Variants in PTPRN2 observed in about 807,000 individuals in gnomAD.
The protein encoded by PTPRN2 is receptor-type tyrosine-protein phosphatase N2.
A neutral mutation model predicts 118.8 loss-of-function variants in PTPRN2; 74 were observed. The ratio of observed to expected loss-of-function variants is 0.62; its 90% CI spans 0.52 to 0.76. PTPRN2 has a LOEUF of 0.76. PTPRN2 is among the 30% of genes least tolerant of loss of function. The pLI, the probability that PTPRN2 is intolerant of heterozygous loss-of-function variation, is 0.00. For synonymous variants in PTPRN2, 641 were observed against 608.0 expected, an observed-to-expected ratio of 1.05 and a Z score of -0.80; for missense variants, 1,481 against 1,394.4, an observed-to-expected ratio of 1.06 and a Z score of -0.99.
intron 3 of PTPRN2, among the ~76,000 whole-genome samples, chr7:158,309,198 G>C (rs1203162302): frequency 1.9e-5 from 2 of 105,510 alleles, no homozygotes; most frequent in African/African-American, 7.0e-5. Flanking sequence ...GTGTGTCTGT[G>C]AGGGCATTTC....
chr7:157,729,462 T>G lies in PTPRN2; in HGVS notation c.1789-46525A>C, dbSNP rs1264957143. Among the ~76,000 whole-genome samples the G allele has an allele frequency of 6.6e-6, 1 of 152,142 alleles. No homozygotes were observed. The highest frequency in any genetic ancestry group is 1.5e-5 in the Non-Finnish European group (1 of 68,020). ...AGGGACTCCTGGGAAGACTTCTCTTTGAGGAAATGTTTCCGCTGCTAAAAT... is the reference window on the plus strand; with the variant it reads ...AGGGACTCCTGGGAAGACTTCTCTTGGAGGAAATGTTTCCGCTGCTAAAAT... On this transcript the variant is annotated intron_variant, in intron 12 of 22. Coordinates refer to ENST00000389418, the MANE Select transcript of PTPRN2 (RefSeq NM_002847.5). This position sits in a 1 kb window ranked among gnomAD's most constrained non-coding sequence, Gnocchi z 4.3.
chr7:157,951,144 C>A lies in PTPRN2; in HGVS notation c.1724-52407G>T, dbSNP rs913322250. On this transcript the variant is annotated intron_variant, in intron 11 of 22. Coordinates refer to ENST00000389418, the MANE Select transcript of PTPRN2 (RefSeq NM_002847.5). ...CCATGCCCCAGGTGCCGTCCCCTGA[C>A]CAACCAGCCTCACTCTCAGAGACAA... Among the ~76,000 whole-genome samples the A allele has an allele frequency of 5.3e-5, 8 of 152,268 alleles. No homozygotes were observed. The East Asian group carries it at 5.8e-4, about 11-fold the overall frequency.
chr7:158,447,585 G>T (rs1439953146), intron 2 of PTPRN2, among the ~76,000 whole-genome samples: 2 of 152,194 alleles, frequency 1.3e-5, no homozygotes. Flanking sequence ...TGCTCCCGCT[G>T]CCAGAGCCTC....
intron 11 of PTPRN2, among the ~76,000 whole-genome samples, chr7:157,900,988 G>A (rs1343296474): frequency 6.6e-6 from 1 of 152,228 alleles, no homozygotes; most frequent in African/African-American, 2.4e-5. Context: ...TCACAGTCCT[G>A]CAGGCTGCAC....
At chr7:157,700,747 C>A (rs1410866850) in intron 12 of PTPRN2, among the ~76,000 whole-genome samples, 1 of 152,180 alleles carries the variant, frequency 6.6e-6, no homozygotes, top group African/African-American at 2.4e-5. Flanking sequence ...CAAGGACACA[C>A]AGGGGCGCCT....
chr7:157,544,640 G>A (rs1047063423), intron 22 of PTPRN2, among the ~76,000 whole-genome samples: 1 of 152,230 alleles, frequency 6.6e-6, no homozygotes, highest in Admixed American at 6.5e-5. Context: ...ACTGACAGAT[G>A]TAAAAGAGGA....
chr7:158,415,025 GAT>G (rs1814535440), intron 2 of PTPRN2, among the ~76,000 whole-genome samples: 1 of 23,882 alleles, frequency 4.2e-5, no homozygotes, highest in Admixed American at 5.9e-4. Flanking sequence ...CTACTTTCCT[GAT>G]GATACAACCA....
At chr7:158,182,916 G>T (rs1443680917) in intron 5 of PTPRN2, among the ~76,000 whole-genome samples, 1 of 152,208 alleles carries the variant, frequency 6.6e-6, no homozygotes, top group African/African-American at 2.4e-5. Flanking sequence ...TTGGCATGTT[G>T]CTGCCTATCT....
chr7:157,855,686 G>A (rs908596499), intron 12 of PTPRN2, among the ~76,000 whole-genome samples: 7 of 152,256 alleles, frequency 4.6e-5, no homozygotes, highest in Admixed American at 3.3e-4. Context: ...GGATGCCTGT[G>A]GCTGAGCCGA....
At chr7:158,064,117 G>A (rs142583056) in intron 11 of PTPRN2, among the ~76,000 whole-genome samples, 148 of 152,360 alleles carry the variant, frequency 9.7e-4, no homozygotes, top group African/African-American at 3.3e-3. Context: ...TGCTAGAGGC[G>A]ACGAGGTCTC....
chr7:158,264,640 A>T (rs11773808), intron 3 of PTPRN2, among the ~76,000 whole-genome samples: 1 of 151,908 alleles, frequency 6.6e-6, no homozygotes, highest in Non-Finnish European at 1.5e-5. Flanking sequence ...CGAGACTCCA[A>T]ATGGTCTCAG....
intron 11 of PTPRN2, among the ~76,000 whole-genome samples, chr7:157,910,670 A>G (rs1363302961): frequency 1.3e-5 from 2 of 152,160 alleles, no homozygotes; most frequent in African/African-American, 2.4e-5. Flanking sequence ...TGACTGTGTC[A>G]AAACACAGCC....
intron 3 of PTPRN2, among the ~76,000 whole-genome samples, chr7:158,210,576 A>C (rs1184314835): frequency 6.6e-6 from 1 of 152,044 alleles, no homozygotes; most frequent in Non-Finnish European, 1.5e-5. Context: ...ACCATTTTCT[A>C]GTCTAAGAAA....
chr7:157,544,961 TG>T (rs999918159), intron 22 of PTPRN2, among the ~76,000 whole-genome samples: 10 of 118,882 alleles, frequency 8.4e-5, no homozygotes, highest in South Asian at 2.6e-4. Context: ...TGGATGTGTG[TG>T]GGGGTGTGCA....
rs1819024521 is a variant in PTPRN2, at chr7:158,138,274, A to G, written c.1132+20T>C. ...CCCCGCAGCACCCCTGGGTGTGGGC[A>G]CCCATGGCGCTGCAGTCACCTGGAA... On this transcript the variant is annotated intron_variant, in intron 7 of 22. Coordinates refer to ENST00000389418, the MANE Select transcript of PTPRN2 (RefSeq NM_002847.5). The G allele has an allele frequency of 6.2e-7, 1 of 1,608,018 alleles. No homozygotes were observed. The highest frequency in any genetic ancestry group is 8.5e-7 in the Non-Finnish European group (1 of 1,177,856).
chr7:158,157,821 G>A (rs1821972186), intron 6 of PTPRN2, among the ~76,000 whole-genome samples: 1 of 152,214 alleles, frequency 6.6e-6, no homozygotes, highest in Admixed American at 6.5e-5. Context: ...TGACTCCACG[G>A]TGTGCTGACA....
chr7:157,936,131 A>C (rs1179996717), intron 11 of PTPRN2, among the ~76,000 whole-genome samples: 1 of 152,210 alleles, frequency 6.6e-6, no homozygotes, highest in African/African-American at 2.4e-5. Flanking sequence ...CAGCAAATGC[A>C]GACACATTCT....
intron 11 of PTPRN2, among the ~76,000 whole-genome samples, chr7:158,061,586 T>G (rs11982781): frequency 0.22 from 33,254 of 152,166 alleles, 3,914 homozygotes; most frequent in African/African-American, 0.29. Flanking sequence ...CCACAATTAC[T>G]TGTGTCGTCC....
intron 11 of PTPRN2, among the ~76,000 whole-genome samples, chr7:157,957,691 G>C (rs1285268634): frequency 6.6e-6 from 1 of 152,098 alleles, no homozygotes; most frequent in Non-Finnish European, 1.5e-5. Context: ...TACTGAGACT[G>C]AGTCATGAAG....
Sources: allele counts gnomAD v4.1 joint callset (sites outside exome capture counted in the v4.1 genomes callset), GRCh38; gene constraint gnomAD v4.1.1; non-coding constraint Gnocchi (gnomAD v3.1); transcripts MANE v1.5; gene names NCBI Gene and HGNC (gene_info 2026-07-23, HGNC 2026-07-21).